CNBD1: variants seen among roughly 807,000 people sequenced by gnomAD.
CNBD1 encodes the protein cyclic nucleotide-binding domain-containing protein 1.
In CNBD1, 71 loss-of-function variants were observed where a neutral mutation model predicts 54.4. The observed-to-expected ratio is 1.30, with a 90% CI of 1.08 to 1.59. The LOEUF (loss-of-function observed/expected upper bound fraction) is 1.59. Ranked by LOEUF, CNBD1 falls within the 40% of genes most tolerant of loss-of-function variation. The pLI is 0.00. For synonymous variants in CNBD1, 182 were observed against 170.7 expected (o/e 1.07, Z -0.51); for missense variants, 659 against 518.0 (o/e 1.27, Z -2.64).
chr8:87,411,397 C>CATATATATATATATATATAT (rs6150689), intron 2 of CNBD1, among the ~76,000 whole-genome samples: 2,081 of 91,900 alleles, frequency 0.023, 102 homozygotes, highest in East Asian at 0.028. Context: ...CTAGCTATAT[C>CATATATATATATATATATAT]ATATATATAT....
chr8:86,873,748 T>C (rs746142753), intron 1 of CNBD1, among the ~76,000 whole-genome samples: 11 of 152,180 alleles, frequency 7.2e-5, no homozygotes, highest in Non-Finnish European at 1.6e-4. Context: ...ATGAATGATA[T>C]CTTTTTCTAA....
intron 10 of CNBD1, among the ~76,000 whole-genome samples, chr8:87,354,541 T>A (rs1810382432): frequency 6.6e-6 from 1 of 152,034 alleles, no homozygotes; most frequent in Admixed American, 6.6e-5. Context: ...TATCTCCTAT[T>A]GCTATCCCTC....
intron 2 of CNBD1, among the ~76,000 whole-genome samples, chr8:87,426,354 A>G (rs935602406): frequency 1.3e-5 from 2 of 152,052 alleles, no homozygotes; most frequent in Non-Finnish European, 1.5e-5. Flanking sequence ...TGTTTGCTTG[A>G]TTTTCTAAAT....
chr8:87,365,166 C>A (rs1475794780), intron 10 of CNBD1, among the ~76,000 whole-genome samples: 1 of 151,876 alleles, frequency 6.6e-6, no homozygotes, highest in African/African-American at 2.4e-5. Context: ...TTATTTTTTA[C>A]TTTTTAGTAA....
At chr8:87,257,857 T>C (rs534482764) in intron 6 of CNBD1, among the ~76,000 whole-genome samples, 3 of 152,320 alleles carry the variant, frequency 2.0e-5, no homozygotes, top group African/African-American at 7.2e-5. Context: ...TTAATTTTTG[T>C]TCTACTTGGG....
chr8:86,988,350 T>C (rs1456340920), intron 4 of CNBD1, among the ~76,000 whole-genome samples: 1 of 152,062 alleles, frequency 6.6e-6, no homozygotes, highest in Non-Finnish European at 1.5e-5. Context: ...AGTTATAATG[T>C]CACTTTTGTC....
At chr8:87,383,139 T>A (rs1251277913), downstream of CNBD1, among the ~76,000 whole-genome samples, 2 of 152,080 alleles carry the variant, frequency 1.3e-5, no homozygotes, top group African/African-American at 4.8e-5. Flanking sequence ...CTTGTGCTTT[T>A]TTCATCTTTT....
At chr8:87,254,326 A>G (rs1807969562) in intron 6 of CNBD1, among the ~76,000 whole-genome samples, 2 of 152,246 alleles carry the variant, frequency 1.3e-5, no homozygotes, top group Non-Finnish European at 2.9e-5. Context: ...GTAACAATTA[A>G]TAAAGAGGCT....
chr8:87,329,986 C>T (rs1188372131), intron 8 of CNBD1, among the ~76,000 whole-genome samples: 3 of 151,906 alleles, frequency 2.0e-5, no homozygotes, highest in African/African-American at 4.8e-5. Flanking sequence ...AGTAGAAATA[C>T]TCCTAGTTTC....
At chr8:86,885,570 A>G (rs1290788242) in intron 1 of CNBD1, among the ~76,000 whole-genome samples, 2 of 152,212 alleles carry the variant, frequency 1.3e-5, no homozygotes, top group South Asian at 2.1e-4. Context: ...TTATCCCTGT[A>G]TTAAATTTGA....
chr8:87,116,092 G>T (rs1311288506), intron 4 of CNBD1, among the ~76,000 whole-genome samples: 1 of 151,002 alleles, frequency 6.6e-6, no homozygotes, highest in African/African-American at 2.4e-5. Context: ...CTCTTTTGAT[G>T]ACTTTGTTTT....
intron 2 of CNBD1, among the ~76,000 whole-genome samples, chr8:87,415,283 A>C (rs1049309842): frequency 6.6e-6 from 1 of 152,044 alleles, no homozygotes; most frequent in Non-Finnish European, 1.5e-5. Flanking sequence ...CAGTAAGTCT[A>C]GGTTGAGTTC....
intron 4 of CNBD1, among the ~76,000 whole-genome samples, chr8:87,184,968 GT>G (rs1487653191): frequency 6.6e-6 from 1 of 152,118 alleles, no homozygotes; most frequent in East Asian, 1.9e-4. Context: ...TATCTTTTGA[GT>G]TTTTTATTTG....
chr8:87,319,933 T>G (rs549779357), intron 8 of CNBD1, among the ~76,000 whole-genome samples: 1 of 152,198 alleles, frequency 6.6e-6, no homozygotes, highest in Non-Finnish European at 1.5e-5. Context: ...AACAAAATTT[T>G]ATCTTTTCCC....
intron 4 of CNBD1, among the ~76,000 whole-genome samples, chr8:86,980,315 C>T (rs1235762698): frequency 1.3e-5 from 2 of 152,212 alleles, no homozygotes; most frequent in African/African-American, 2.4e-5. Context: ...TACTATCCAG[C>T]CAAGCTTATG....
At chr8:87,414,925 G>A (rs540758881) in intron 2 of CNBD1, among the ~76,000 whole-genome samples, 4 of 152,118 alleles carry the variant, frequency 2.6e-5, no homozygotes, top group East Asian at 1.9e-4. Context: ...TGACTTACAG[G>A]TCTGACCTGG....
At chr8:87,314,550 T>G (rs1489861416) in intron 8 of CNBD1, among the ~76,000 whole-genome samples, 1 of 151,900 alleles carries the variant, frequency 6.6e-6, no homozygotes, top group East Asian at 1.9e-4. Flanking sequence ...AGTGATGAGC[T>G]TGCTAACATT....
intron 2 of CNBD1, among the ~76,000 whole-genome samples, chr8:86,900,204 T>C (rs1008488301): frequency 2.6e-4 from 39 of 152,338 alleles, no homozygotes; most frequent in African/African-American, 8.9e-4. Flanking sequence ...GTATAAGGTA[T>C]GTTCTAAGGT....
chr8:87,024,660 T>TA (rs1427863776), intron 4 of CNBD1, among the ~76,000 whole-genome samples: 4 of 151,920 alleles, frequency 2.6e-5, no homozygotes, highest in East Asian at 3.9e-4. Context: ...CTTTTTAGAG[T>TA]AAAAAAAAGT....
Sources: allele counts gnomAD v4.1 joint callset (sites outside exome capture counted in the v4.1 genomes callset), GRCh38; gene constraint gnomAD v4.1.1; transcripts MANE v1.5; gene names NCBI Gene and HGNC (gene_info 2026-07-23, HGNC 2026-07-21).